Variants in ENPP2 observed in about 807,000 individuals in gnomAD.
ENPP2 encodes autotaxin.
A neutral mutation model predicts 120.2 loss-of-function variants in ENPP2; 51 were observed. That is an observed-to-expected ratio of 0.42 (90% CI 0.34 to 0.54). The LOEUF is 0.54. ENPP2 is among the 20% of genes least tolerant of loss of function. The pLI is 0.04. For synonymous variants in ENPP2, 365 were observed against 366.4 expected (o/e 1.00, Z 0.04); for missense variants, 920 against 1,066.5 (o/e 0.86, Z 1.91).
chr8:119,598,744 A>C (rs1814074383), intron 11 of ENPP2, among the ~76,000 whole-genome samples: 1 of 152,218 alleles, frequency 6.6e-6, no homozygotes, highest in Non-Finnish European at 1.5e-5. Context: ...ATTTGAACAT[A>C]GTTATTAACT....
intron 11 of ENPP2, among the ~76,000 whole-genome samples, chr8:119,596,229 A>C (rs569107711): frequency 1.3e-5 from 2 of 152,348 alleles, no homozygotes; most frequent in Admixed American, 6.5e-5. Context: ...TGAGAACAAG[A>C]ATCCAATTTA....
Position 119,586,187 on chromosome 8 carries a change from T to C in ENPP2, c.1366A>G (p.Arg456Gly). 1 of 1,613,940 alleles carries C rather than the reference T, an allele frequency of 6.2e-7. No individual in the cohort carries two copies. The highest frequency in any genetic ancestry group is 8.5e-7 in the Non-Finnish European group (1 of 1,179,912). The part of the protein sequence containing the change: ...LLVERRWHVA[R>G]KPLDVYKKPS... ...AGAAATAGCCCATATACCAGTTACCTTGCAACATGCCATCTGCGTTCCACC... is the reference window on the plus strand; with the variant it reads ...AGAAATAGCCCATATACCAGTTACCCTGCAACATGCCATCTGCGTTCCACC... The change falls in exon 15 of 25, where the codon AGG becomes GGG. Residue 456 changes from arginine to glycine, a missense_variant and splice_region_variant. Coordinates refer to ENST00000075322, the MANE Select transcript of ENPP2 (RefSeq NM_001040092.3).
chr8:119,655,398 G>T (rs556840631), intron 1 of ENPP2, among the ~76,000 whole-genome samples: 2 of 152,262 alleles, frequency 1.3e-5, no homozygotes, highest in South Asian at 4.2e-4. Flanking sequence ...AGCTTCCATT[G>T]CTCTTATGAG....
chr8:119,651,756 C>A (rs977993996), intron 1 of ENPP2, among the ~76,000 whole-genome samples: 1 of 152,094 alleles, frequency 6.6e-6, no homozygotes, highest in Non-Finnish European at 1.5e-5. Flanking sequence ...GTGACCAGAA[C>A]CTTGGGCATC....
intron 24 of ENPP2, among the ~76,000 whole-genome samples, chr8:119,558,981 C>T (rs977219393): frequency 1.3e-5 from 2 of 152,132 alleles, no homozygotes; most frequent in South Asian, 2.1e-4. Context: ...TAAATATGTT[C>T]GGGAGGGTGT....
intron 9 of ENPP2, among the ~76,000 whole-genome samples, chr8:119,603,671 G>A (rs2130587788): frequency 6.6e-6 from 1 of 152,274 alleles, no homozygotes; most frequent in South Asian, 2.1e-4. Context: ...CACATAGAAA[G>A]GGTTTAGAAA....
intron 7 of ENPP2, among the ~76,000 whole-genome samples, 200 bp downstream of exon 7, chr8:119,616,964 C>G (rs1815498889): frequency 6.6e-6 from 1 of 152,132 alleles, no homozygotes; most frequent in Non-Finnish European, 1.5e-5. Flanking sequence ...AAGTTTTCAG[C>G]TTTAAAGTTG....
intron 24 of ENPP2, among the ~76,000 whole-genome samples, chr8:119,560,581 C>A (rs1447301817): frequency 6.6e-6 from 1 of 152,218 alleles, no homozygotes; most frequent in East Asian, 1.9e-4. Flanking sequence ...CTTGCCTAAG[C>A]CCTTTGAGCA....
chr8:119,629,417 CAGG>C (rs1422554302), intron 2 of ENPP2, among the ~76,000 whole-genome samples: 1 of 152,074 alleles, frequency 6.6e-6, no homozygotes, highest in South Asian at 2.1e-4. Flanking sequence ...AAGCAAGAAG[CAGG>C]AGAAGAACAG....
rs551584897 is a variant in ENPP2, at chr8:119,660,622, G to A, written c.21+12630C>T. On this transcript the variant is annotated intron_variant, in intron 1 of 25. Transcript: ENST00000427067. ...GATCTTAGTTTGAATTCTAAGAACC[G>A]TGAGACCTTTCTCAAGTTTCAGTTT... is the stretch of plus-strand genomic sequence containing the variant. 3.9e-5 allele frequency among the ~76,000 whole-genome samples: 6 copies of A among 152,296 alleles called. No homozygotes were observed. The East Asian group carries it at 7.7e-4, about 20-fold the overall frequency.
intron 9 of ENPP2, among the ~76,000 whole-genome samples, chr8:119,604,465 G>A (rs565091401): frequency 8.5e-5 from 13 of 152,194 alleles, no homozygotes; most frequent in Non-Finnish European, 1.5e-4. Flanking sequence ...AATACAATGC[G>A]CAGACAGCAC....
chr8:119,627,026 T>C (rs1816327491), intron 2 of ENPP2, among the ~76,000 whole-genome samples: 1 of 152,194 alleles, frequency 6.6e-6, no homozygotes. Flanking sequence ...GTTGGTGATT[T>C]GTTCAATTAC....
At chr8:119,673,352 T>C (rs1818312509) in exon 1 of ENPP2, 2 of 1,512,094 alleles carry the variant, frequency 1.3e-6, no homozygotes, top group Non-Finnish European at 1.8e-6. Flanking sequence ...CTGGGAGCTG[T>C]GCTCGGGACG....
chr8:119,666,395 A>T (rs1818070033), intron 1 of ENPP2, among the ~76,000 whole-genome samples: 1 of 152,144 alleles, frequency 6.6e-6, no homozygotes, highest in Non-Finnish European at 1.5e-5. Flanking sequence ...CTCCTAGGAG[A>T]TGATAATTTA....
intron 3 of ENPP2, among the ~76,000 whole-genome samples, chr8:119,624,005 C>A (rs893554752): frequency 6.6e-6 from 1 of 152,120 alleles, no homozygotes; most frequent in Non-Finnish European, 1.5e-5. Context: ...TTTCCCATGA[C>A]CTGCTCTTCC....
chr8:119,659,334 A>AAACAAAAAAAAAC (rs1554627520), intron 1 of ENPP2, among the ~76,000 whole-genome samples: 1 of 130,740 alleles, frequency 7.6e-6, no homozygotes, highest in African/African-American at 2.7e-5. Flanking sequence ...AAAAAAAAAA[A>AAACAAAAAAAAAC]AAACCAGAGT....
chr8:119,557,876 T>A (rs932068964), intron 24 of ENPP2, among the ~76,000 whole-genome samples, 185 bp from the exon 25 acceptor site: 4 of 152,200 alleles, frequency 2.6e-5, no homozygotes, highest in African/African-American at 9.6e-5. Flanking sequence ...CACAAATACC[T>A]GCCCTTGGCT....
intron 8 of ENPP2, among the ~76,000 whole-genome samples, chr8:119,611,465 G>A (rs561057063): frequency 2.0e-5 from 3 of 152,310 alleles, no homozygotes; most frequent in South Asian, 2.1e-4. Flanking sequence ...TGGTTTCCAC[G>A]TGATTAGGGC....
intron 1 of ENPP2, among the ~76,000 whole-genome samples, chr8:119,669,094 GGA>G (rs1395817385): frequency 6.6e-6 from 1 of 152,110 alleles, no homozygotes; most frequent in Non-Finnish European, 1.5e-5. Flanking sequence ...TTAGCAAATG[GGA>G]GCCTTATATT....
Sources: allele counts gnomAD v4.1 joint callset (sites outside exome capture counted in the v4.1 genomes callset), GRCh38; gene constraint gnomAD v4.1.1; transcripts MANE v1.5; gene names NCBI Gene and HGNC (gene_info 2026-07-23, HGNC 2026-07-21).